The following ZCWPW2 variants were observed in gnomAD, a reference collection of about 807,000 sequenced individuals.
The protein encoded by ZCWPW2 is zinc finger CW-type PWWP domain protein 2.
In ZCWPW2, 45 loss-of-function variants were observed where a neutral mutation model predicts 46.6. That is an observed-to-expected ratio of 0.96 (90% CI 0.76 to 1.24). The LOEUF is 1.24. ZCWPW2 is among the 50% of genes most tolerant of loss of function. The pLI, the probability that ZCWPW2 is intolerant of heterozygous loss-of-function variation, is 0.00. For synonymous variants in ZCWPW2, 152 were observed against 137.1 expected (o/e 1.11, Z -0.76); for missense variants, 429 against 403.9 (o/e 1.06, Z -0.53).
At chr3:28,377,887 C>T (rs1705552771) in intron 1 of ZCWPW2, among the ~76,000 whole-genome samples, 1 of 151,920 alleles carries the variant, frequency 6.6e-6, no homozygotes, top group African/African-American at 2.4e-5. Flanking sequence ...ATCAAATTTC[C>T]AATTATTTAC....
At chr3:28,400,502 G>C (rs1405559654) in intron 2 of ZCWPW2, among the ~76,000 whole-genome samples, 2 of 152,114 alleles carry the variant, frequency 1.3e-5, no homozygotes, top group Non-Finnish European at 2.9e-5. Context: ...GTTATCTAAA[G>C]TTAAGATGAA....
chr3:28,421,102 C>T (rs144710652), intron 3 of ZCWPW2, among the ~76,000 whole-genome samples: 9 of 152,122 alleles, frequency 5.9e-5, no homozygotes, highest in Non-Finnish European at 1.2e-4. Context: ...GGGAGCACCT[C>T]TTTGTTACTC....
At chr3:28,381,314 A>G (rs926991872) in intron 1 of ZCWPW2, among the ~76,000 whole-genome samples, 2 of 151,722 alleles carry the variant, frequency 1.3e-5, no homozygotes, top group Non-Finnish European at 2.9e-5. Context: ...TTTGTATGTT[A>G]TATCTGTTGT....
intron 1 of ZCWPW2, among the ~76,000 whole-genome samples, chr3:28,366,118 A>G (rs1388860361): frequency 6.6e-6 from 1 of 150,398 alleles, no homozygotes; most frequent in Non-Finnish European, 1.5e-5. Flanking sequence ...CTCTTTTCCT[A>G]ATTGAATACC....
At chr3:28,441,295 C>CA (rs529247287) in intron 4 of ZCWPW2, among the ~76,000 whole-genome samples, 196 of 152,272 alleles carry the variant, frequency 1.3e-3, no homozygotes, top group African/African-American at 4.2e-3. Flanking sequence ...TCTTTGTTAC[C>CA]AATTTTCCAG....
intron 1 of ZCWPW2, among the ~76,000 whole-genome samples, chr3:28,388,646 A>G (rs986353053): frequency 2.6e-5 from 4 of 152,078 alleles, no homozygotes; most frequent in African/African-American, 4.8e-5. Flanking sequence ...TTATACTCAC[A>G]TATATTCATA....
intron 1 of ZCWPW2, among the ~76,000 whole-genome samples, chr3:28,355,534 A>G (rs1367945410): frequency 2.6e-5 from 4 of 152,270 alleles, no homozygotes; most frequent in Non-Finnish European, 2.9e-5. Context: ...AAGAGCCCGC[A>G]TTGCCAAGTC....
At chr3:28,385,277 C>T (rs903240365) in intron 1 of ZCWPW2, among the ~76,000 whole-genome samples, 2 of 152,042 alleles carry the variant, frequency 1.3e-5, no homozygotes, top group Non-Finnish European at 2.9e-5. Flanking sequence ...TGACACCATC[C>T]CACTCTGAAG....
intron 1 of ZCWPW2, among the ~76,000 whole-genome samples, chr3:28,390,038 A>C (rs1351463556): frequency 3.3e-5 from 5 of 152,162 alleles, no homozygotes; most frequent in African/African-American, 1.2e-4. Flanking sequence ...CCTAGGCACC[A>C]TGGCCCAGCC....
intron 1 of ZCWPW2, among the ~76,000 whole-genome samples, chr3:28,381,196 C>G (rs902063834): frequency 1.3e-5 from 2 of 150,170 alleles, no homozygotes; most frequent in African/African-American, 2.5e-5. Context: ...TTGTCCTCCT[C>G]AAAGTTCCAA....
chr3:28,470,145 A>C (rs1199098770), intron 4 of ZCWPW2, among the ~76,000 whole-genome samples: 1 of 152,214 alleles, frequency 6.6e-6, no homozygotes, highest in Non-Finnish European at 1.5e-5. Context: ...CTATATAAAC[A>C]CATGGAAATT....
At chr3:28,399,903 A>T (rs553907974) in intron 2 of ZCWPW2, among the ~76,000 whole-genome samples, 3 of 152,286 alleles carry the variant, frequency 2.0e-5, no homozygotes, top group Non-Finnish European at 2.9e-5. Context: ...ACACTAGCTC[A>T]TGAGCAATGG....
chr3:28,478,353 C>T lies in ZCWPW2; in HGVS notation c.493-461C>T, dbSNP rs752703136. The T allele has an allele frequency of 3.2e-5, 9 of 280,840 alleles. No homozygotes were observed. In the East Asian group the frequency reaches 4.2e-4, roughly 13 times the overall value. 17.4% of individuals were successfully genotyped at this position (280,840 alleles called of 1,614,324 possible). On this transcript the variant is annotated intron_variant, in intron 4 of 9. Coordinates refer to ENST00000383768, the MANE Select transcript of ZCWPW2 (RefSeq NM_001040432.4). ...CTGCCTCCCAGGTTCAAGCAGTTCT[C>T]CTACCTCAGCCTCCCAAGTAGCTGG... is the stretch of plus-strand genomic sequence containing the variant.
intron 6 of ZCWPW2, among the ~76,000 whole-genome samples, chr3:28,499,784 C>A (rs1364764384): frequency 6.6e-6 from 1 of 151,920 alleles, no homozygotes; most frequent in Non-Finnish European, 1.5e-5. Flanking sequence ...TAATTATACC[C>A]TTACCCATTT....
At chr3:28,380,999 GGTA>G (rs1559480847) in intron 1 of ZCWPW2, among the ~76,000 whole-genome samples, 2 of 1,988 alleles carry the variant, frequency 1.0e-3, no homozygotes, top group Non-Finnish European at 1.7e-3. Context: ...ATATATATTT[GGTA>G]TATATATATA....
Position 28,525,982 on chromosome 3 carries a change from G to C in ZCWPW2, c.*1294G>C, listed in dbSNP as rs1308221560. Among the ~76,000 whole-genome samples, 1 of 152,082 alleles carries C rather than the reference G, an allele frequency of 6.6e-6. No homozygotes were observed. The highest frequency in any genetic ancestry group is 6.6e-5 in the Admixed American group (1 of 15,254). On this transcript the variant is annotated 3_prime_UTR_variant, in exon 10 of 10. Coordinates refer to ENST00000383768, the MANE Select transcript of ZCWPW2 (RefSeq NM_001040432.4). ...AGGCCTGGAAGTTGAGTACATCTCT[G>C]TCAGGTTCCAGATCCCATGCCATTG...
intron 1 of ZCWPW2, among the ~76,000 whole-genome samples, chr3:28,355,355 C>T (rs1032118421): frequency 6.6e-6 from 1 of 152,176 alleles, no homozygotes; most frequent in African/African-American, 2.4e-5. Context: ...AAAGAGGACG[C>T]AAATAAATGG....
At chr3:28,422,998 C>A (rs1283803618) in intron 3 of ZCWPW2, among the ~76,000 whole-genome samples, 1 of 152,016 alleles carries the variant, frequency 6.6e-6, no homozygotes, top group Non-Finnish European at 1.5e-5. Context: ...TCTTGTATAT[C>A]TTCTTTGGTA....
intron 2 of ZCWPW2, among the ~76,000 whole-genome samples, chr3:28,411,005 G>A (rs186271469): frequency 0.011 from 1,736 of 151,796 alleles, 38 homozygotes; most frequent in African/African-American, 0.039. Flanking sequence ...TCCCAAAATG[G>A]GGGAACATTT....
Sources: allele counts gnomAD v4.1 joint callset (sites outside exome capture counted in the v4.1 genomes callset), GRCh38; gene constraint gnomAD v4.1.1; transcripts MANE v1.5; gene names NCBI Gene and HGNC (gene_info 2026-07-23, HGNC 2026-07-21).